The following AFM variants were observed in gnomAD, a reference collection of about 807,000 sequenced individuals.
AFM encodes alpha-Alb.
Under a neutral mutation model 68.7 loss-of-function variants are expected in AFM, and 82 were observed. The observed-to-expected ratio is 1.19, with a 90% CI of 1.00 to 1.43. The LOEUF (loss-of-function observed/expected upper bound fraction) is 1.43. AFM is among the 40% of genes most tolerant of loss of function. The probability of loss-of-function intolerance (pLI) is 0.00; values close to 1 mark genes in which losing one functional copy is unlikely to be tolerated. For synonymous variants in AFM, 250 were observed against 234.2 expected (o/e 1.07, Z -0.61); for missense variants, 772 against 701.8 (o/e 1.10, Z -1.13).
intron 8 of AFM, among the ~76,000 whole-genome samples, chr4:73,493,919 A>C (rs1479637574): frequency 6.6e-6 from 1 of 152,218 alleles, no homozygotes; most frequent in Non-Finnish European, 1.5e-5. Context: ...AGTAACAGTG[A>C]GCACACCAAG....
intron 2 of AFM, 56 bp from the exon 3 acceptor site, chr4:73,484,202 A>G: frequency 2.6e-6 from 4 of 1,538,604 alleles, no homozygotes; most frequent in Non-Finnish European, 3.5e-6. Context: ...CTTTTTCTTG[A>G]CCATAAATGG....
At chr4:73,485,641 A>G (rs1720876255) in intron 3 of AFM, among the ~76,000 whole-genome samples, 1 of 140,606 alleles carries the variant, frequency 7.1e-6, no homozygotes, top group Non-Finnish European at 1.5e-5. Flanking sequence ...AAGAAGAGGA[A>G]GAAGAAGAAG....
intron 2 of AFM, 117 bp from the exon 3 acceptor site, chr4:73,484,141 A>G: frequency 3.5e-6 from 5 of 1,434,784 alleles, no homozygotes; most frequent in Non-Finnish European, 3.7e-6. Flanking sequence ...TGTAAAATTT[A>G]TAGCCATTAC....
intron 6 of AFM, among the ~76,000 whole-genome samples, chr4:73,488,429 C>G (rs1274386820): frequency 6.6e-6 from 1 of 152,116 alleles, no homozygotes; most frequent in African/African-American, 2.4e-5. Flanking sequence ...GACTTTGGGG[C>G]TCTTAAAATA....
At chr4:73,503,310 T>G (rs1272148627) in intron 14 of AFM, among the ~76,000 whole-genome samples, 200 bp downstream of exon 14, 1 of 152,130 alleles carries the variant, frequency 6.6e-6, no homozygotes, top group Non-Finnish European at 1.5e-5. Flanking sequence ...AATGCTGCAT[T>G]TGTGCTTGCC....
intron 7 of AFM, among the ~76,000 whole-genome samples, chr4:73,490,318 C>T (rs2149344366): frequency 6.6e-6 from 1 of 152,182 alleles, no homozygotes; most frequent in East Asian, 1.9e-4. Context: ...AACAGATGTT[C>T]CCAATAATTA....
At position 73,481,879 on chromosome 4, in the gene AFM, G is replaced by A; in HGVS notation, c.88+16G>A. The A allele has an allele frequency of 6.7e-7, 1 of 1,500,106 alleles. No homozygotes were observed. The highest frequency in any genetic ancestry group is 1.7e-4 in the Middle Eastern group (1 of 5,796). The allele number at this position is 1,500,106 out of a possible 1,614,324, so 92.9% of individuals were successfully genotyped here. On this transcript the variant is annotated intron_variant, in intron 1 of 14. Transcript: ENST00000226355. ...CGGGATATAGGTAAGAAATTTACTT[G>A]TATATCAGCTAAAGCATGACCAGTT...
chr4:73,499,272 ACT>A (rs768659531), intron 11 of AFM, 26 bp downstream of exon 11: 2 of 1,399,762 alleles, frequency 1.4e-6, no homozygotes, highest in Non-Finnish European at 1.9e-6. Context: ...GTACCAGACT[ACT>A]CTTTTTTTTT....
At chr4:73,487,661 A>T (rs1720938482) in intron 5 of AFM, 63 bp from the exon 6 acceptor site, 1 of 1,154,406 alleles carries the variant, frequency 8.7e-7, no homozygotes, top group African/African-American at 1.6e-5. Flanking sequence ...AAATATGACT[A>T]AAAAATAAGA....
chr4:73,499,332 C>A, intron 11 of AFM, 86 bp downstream of exon 11: 1 of 1,231,656 alleles, frequency 8.1e-7, no homozygotes, highest in Non-Finnish European at 1.1e-6. Context: ...CCGTGATTAT[C>A]CATATTCCTT....
chr4:73,499,066 A>G, intron 10 of AFM, 48 bp from the exon 11 acceptor site: 1 of 1,581,334 alleles, frequency 6.3e-7, no homozygotes, highest in South Asian at 1.2e-5. Context: ...TCAAGGGAAA[A>G]TGGGTATCTG....
intron 8 of AFM, among the ~76,000 whole-genome samples, chr4:73,494,790 C>CA (rs1260811936): frequency 6.6e-6 from 1 of 152,092 alleles, no homozygotes; most frequent in Non-Finnish European, 1.5e-5. Context: ...ATTTGGAAGC[C>CA]ACTGCCAGTG....
Position 73,487,038 on chromosome 4 carries a change from T to G in AFM, c.554T>G (p.Phe185Cys), listed in dbSNP as rs771679366. The G allele has an allele frequency of 1.5e-5, 25 of 1,614,072 alleles. No homozygotes were observed. The highest frequency in any genetic ancestry group is 2.1e-5 in the Non-Finnish European group (25 of 1,179,970). Residue 185 changes from phenylalanine to cysteine, a missense_variant, in exon 5 of 15, where the codon TTT (phenylalanine) becomes TGT (cysteine). Physicochemically the swap from Phe to Cys is radical, Grantham distance 205. Transcript: ENST00000226355. Reference sequence around the variant, plus strand: ...ACACTTCTAACTGTTGCTGTTCATTTTGAGGAGGTGGCCAAATCATGTTGT... The same window carrying G: ...ACACTTCTAACTGTTGCTGTTCATTGTGAGGAGGTGGCCAAATCATGTTGT... ...APTLLTVAVH[F>C]EEVAKSCCEE...
intron 12 of AFM, among the ~76,000 whole-genome samples, chr4:73,501,213 G>T (rs1349813823): frequency 6.6e-6 from 1 of 151,976 alleles, no homozygotes; most frequent in African/African-American, 2.4e-5. Flanking sequence ...ACACTTAATT[G>T]TGATAGCTTA....
chr4:73,487,822 G>A lies in AFM; in HGVS notation c.713+1G>A, dbSNP rs200258630. ...TTGGAACCAAAGTTGTACACTTTAT[G>A]TGAGTTTTATACTATATGTCTTGTC... On this transcript the variant is annotated splice_donor_variant, in intron 6 of 14. Coordinates refer to ENST00000226355, the MANE Select transcript of AFM (RefSeq NM_001133.2). LOFTEE classifies it high-confidence loss of function. 8 of 1,580,994 alleles carry A rather than the reference G, an allele frequency of 5.1e-6. No individual in the cohort carries two copies. The African/African-American group carries it at 5.4e-5, about 11-fold the overall frequency.
In AFM at chr4:73,501,790, T is replaced by C; in HGVS notation, c.1650T>C (p.Phe550=). 6.2e-7 allele frequency: 1 copy of C among 1,611,738 alleles called. No homozygotes were observed. The highest frequency in any genetic ancestry group is 1.7e-5 in the Admixed American group (1 of 59,422). Reference sequence around the variant, plus strand: ...ATTTGACATCTTTTGGCCACAGGTTTCTTGTCAACTTAGTGAAGCTGAAGC... The same window carrying C: ...ATTTGACATCTTTTGGCCACAGGTTCCTTGTCAACTTAGTGAAGCTGAAGC... ...NEELQRKTDR[F]LVNLVKLKHE... Residue 550 remains phenylalanine (F), a synonymous_variant, in exon 13 of 15, where the codon TTT becomes TTC. Transcript: ENST00000226355.
chr4:73,486,628 T>C (rs1342661250), intron 4 of AFM, among the ~76,000 whole-genome samples: 1 of 152,198 alleles, frequency 6.6e-6, no homozygotes, highest in African/African-American at 2.4e-5. Flanking sequence ...GCTGACCAGC[T>C]GGTAGCATGT....
intron 8 of AFM, among the ~76,000 whole-genome samples, chr4:73,493,317 A>G (rs1721137078): frequency 6.6e-6 from 1 of 152,228 alleles, no homozygotes; most frequent in Non-Finnish European, 1.5e-5. Context: ...AGAAAATCCC[A>G]GTTTGGGGCT....
chr4:73,494,224 G>T (rs556062577), intron 8 of AFM, among the ~76,000 whole-genome samples: 3 of 151,940 alleles, frequency 2.0e-5, no homozygotes, highest in Non-Finnish European at 4.4e-5. Flanking sequence ...AAGCAAATGG[G>T]AAGCTGGAGA....
Sources: allele counts gnomAD v4.1 joint callset (sites outside exome capture counted in the v4.1 genomes callset), GRCh38; gene constraint gnomAD v4.1.1; transcripts MANE v1.5; gene names NCBI Gene and HGNC (gene_info 2026-07-23, HGNC 2026-07-21).